Variants in ADAM9 observed in about 807,000 individuals in gnomAD.
The protein encoded by ADAM9 is disintegrin and metalloproteinase domain-containing protein 9.
ADAM9 carries 54 observed loss-of-function variants against 108.1 expected under a neutral mutation model. The observed-to-expected ratio is 0.50, with a 90% CI of 0.40 to 0.63. The LOEUF (loss-of-function observed/expected upper bound fraction) is 0.63, where lower values mean the gene tolerates loss of function less well. Ranked by LOEUF, ADAM9 falls within the 20% of genes least tolerant of loss-of-function variation. The pLI, the probability that ADAM9 is intolerant of heterozygous loss-of-function variation, is 0.00. For missense variants in ADAM9, 830 were observed against 997.7 expected, an observed-to-expected ratio of 0.83 and a Z score of 2.26; for synonymous variants, 316 against 336.0, an observed-to-expected ratio of 0.94 and a Z score of 0.65.
At position 39,097,114 on chromosome 8, in the gene ADAM9, TCAGATTTTG is replaced by T. The variant is rs1466618671; in HGVS notation, c.2299-4745_2299-4737del. 2.0e-5 allele frequency among the ~76,000 whole-genome samples: 3 copies of T among 152,332 alleles called. 1 individual carries two copies. The East Asian group carries it at 5.8e-4, about 29-fold the overall frequency. ...GCATTTGAAGAATTAGCTGCCTTTCTCAGATTTTGCAGCCTTGTTTTGTACAAGGAGGAC... is the reference window on the plus strand; with the variant it reads ...GCATTTGAAGAATTAGCTGCCTTTCTCAGCCTTGTTTTGTACAAGGAGGAC... On this transcript the variant is annotated intron_variant, in intron 20 of 21. Transcript: ENST00000487273.
chr8:39,061,482 A>T (rs930982051), intron 14 of ADAM9, among the ~76,000 whole-genome samples: 42 of 152,294 alleles, frequency 2.8e-4, no homozygotes, highest in African/African-American at 9.9e-4. Context: ...ATTATTTCAG[A>T]TATAGGGTTC....
At chr8:39,041,803 A>G in intron 11 of ADAM9, 143 bp from the exon 12 acceptor site, 1 of 703,666 alleles carries the variant, frequency 1.4e-6, no homozygotes, top group South Asian at 1.8e-5. Context: ...ACAAGTAGAT[A>G]TGAATTCTCA....
At chr8:39,084,237 A>T (rs559153347) in intron 18 of ADAM9, among the ~76,000 whole-genome samples, 1 of 152,044 alleles carries the variant, frequency 6.6e-6, no homozygotes, top group South Asian at 2.1e-4. Context: ...CAAGTTCTTT[A>T]TGAAATATGT....
chr8:39,011,581 G>T, intron 2 of ADAM9, 77 bp from the exon 3 acceptor site: 2 of 1,312,304 alleles, frequency 1.5e-6, no homozygotes, highest in South Asian at 2.4e-5. Context: ...GGAATTTCCT[G>T]CATCTTATAA....
At chr8:39,070,033 T>C (rs946218068) in intron 14 of ADAM9, among the ~76,000 whole-genome samples, 20 of 150,834 alleles carry the variant, frequency 1.3e-4, no homozygotes, top group African/African-American at 4.4e-4. Flanking sequence ...CATGCCTGCA[T>C]TTCCATCTAC....
intron 18 of ADAM9, among the ~76,000 whole-genome samples, chr8:39,085,334 T>C (rs995507465): frequency 3.3e-5 from 5 of 152,340 alleles, no homozygotes; most frequent in African/African-American, 7.2e-5. Flanking sequence ...CCACAATTCA[T>C]TGTTACTCAT....
At chr8:39,047,305 A>G (rs1564306455) in intron 12 of ADAM9, among the ~76,000 whole-genome samples, 1 of 152,186 alleles carries the variant, frequency 6.6e-6, no homozygotes, top group Non-Finnish European at 1.5e-5. Flanking sequence ...CATCAGGATA[A>G]TGCTGGCCTC....
In ADAM9 at chr8:39,095,855, C is replaced by G. The variant is rs148113323; in HGVS notation, c.2298+4509C>G. 3.3e-3 allele frequency among the ~76,000 whole-genome samples: 503 copies of G among 152,186 alleles called. 4 individuals carry two copies. The highest frequency in any genetic ancestry group is 0.011 in the African/African-American group (465 of 41,536). On this transcript the variant is annotated intron_variant, in intron 20 of 21. Transcript: ENST00000487273. ...GTTATATCCTTGTGATGAATCGACA[C>G]CTTTACCATTAATGCACTTTTTCAT...
chr8:39,023,643 G>A (rs1564257543), intron 9 of ADAM9, among the ~76,000 whole-genome samples: 1 of 151,556 alleles, frequency 6.6e-6, no homozygotes, highest in Non-Finnish European at 1.5e-5. Context: ...CCCAGTTTCG[G>A]AACAGAATTG....
chr8:39,089,117 C>T lies in ADAM9; in HGVS notation c.2069-930C>T, dbSNP rs188229373. Among the ~76,000 whole-genome samples the T allele has an allele frequency of 5.2e-3, 795 of 152,080 alleles. 10 individuals carry two copies. Among genetic ancestry groups the T allele is most frequent in the African/African-American group, 0.019 (772 of 41,490 alleles). On this transcript the variant is annotated intron_variant, in intron 18 of 21. Transcript: ENST00000487273. The stretch of plus-strand genomic sequence containing the variant: ...CAAAAAAATTAGCTGGGCGTGGTGG[C>T]GCATACCTGTAATCCCAGCTACTCG...
chr8:39,040,121 C>T (rs1160207083), intron 11 of ADAM9, among the ~76,000 whole-genome samples: 1 of 152,118 alleles, frequency 6.6e-6, no homozygotes, highest in African/African-American at 2.4e-5. Flanking sequence ...GCAATCTCGG[C>T]TCACTACAAC....
intron 16 of ADAM9, among the ~76,000 whole-genome samples, chr8:39,082,269 C>T (rs1223602389): frequency 2.0e-5 from 3 of 151,964 alleles, no homozygotes; most frequent in Non-Finnish European, 4.4e-5. Context: ...AGAAATAGAC[C>T]TTCTATCCTT....
chr8:39,097,528 G>A (rs1176522879), intron 20 of ADAM9, among the ~76,000 whole-genome samples: 3 of 152,010 alleles, frequency 2.0e-5, no homozygotes, highest in Non-Finnish European at 4.4e-5. Flanking sequence ...GGCTGGTCTC[G>A]AACTCCTGAC....
intron 11 of ADAM9, among the ~76,000 whole-genome samples, chr8:39,031,190 G>C (rs1022463334): frequency 3.3e-5 from 5 of 152,140 alleles, no homozygotes; most frequent in African/African-American, 9.7e-5. Flanking sequence ...TTAGAGTTTT[G>C]AATTTTACAC....
intron 2 of ADAM9, among the ~76,000 whole-genome samples, chr8:39,009,903 G>A (rs998649031): frequency 1.1e-5 from 1 of 92,364 alleles, no homozygotes; most frequent in Non-Finnish European, 2.2e-5. Flanking sequence ...GATGGGGGGG[G>A]GGGGCAGGGA....
chr8:39,065,119 TA>T (rs1838416984), intron 14 of ADAM9, among the ~76,000 whole-genome samples: 1 of 151,856 alleles, frequency 6.6e-6, no homozygotes, highest in South Asian at 2.1e-4. Flanking sequence ...CTGGATCACA[TA>T]TTATTTGGAT....
intron 8 of ADAM9, 33 bp downstream of exon 8, chr8:39,021,747 C>T (rs1206683881): frequency 1.9e-6 from 3 of 1,570,238 alleles, no homozygotes; most frequent in Non-Finnish European, 2.6e-6. Flanking sequence ...CAGGATGATT[C>T]TGTCCTATTC....
chr8:39,080,997 C>G (rs1322911672), intron 16 of ADAM9, among the ~76,000 whole-genome samples: 1 of 136,292 alleles, frequency 7.3e-6, no homozygotes, highest in Non-Finnish European at 1.5e-5. Flanking sequence ...TTGACCCAGG[C>G]TGGAGTGCAG....
chr8:39,031,673 G>T (rs1395925524), intron 11 of ADAM9, among the ~76,000 whole-genome samples: 1 of 152,186 alleles, frequency 6.6e-6, no homozygotes, highest in Non-Finnish European at 1.5e-5. Context: ...GTCATTCTCT[G>T]TCCAGCTTTG....
Sources: allele counts gnomAD v4.1 joint callset (sites outside exome capture counted in the v4.1 genomes callset), GRCh38; gene constraint gnomAD v4.1.1; transcripts MANE v1.5; gene names NCBI Gene and HGNC (gene_info 2026-07-23, HGNC 2026-07-21).